Variants in INO80D observed in about 807,000 individuals in gnomAD.
The protein encoded by INO80D is INO80 complex subunit D.
A neutral mutation model predicts 87.6 loss-of-function variants in INO80D; 21 were observed. That is an observed-to-expected ratio of 0.24 (90% CI 0.17 to 0.35). INO80D has a LOEUF of 0.35. INO80D is among the 10% of genes least tolerant of loss of function. INO80D has a pLI of 1.00. For synonymous variants in INO80D, 440 were observed against 491.0 expected (o/e 0.90, Z 1.37); for missense variants, 982 against 1,280.7 (o/e 0.77, Z 3.56).
At chr2:206,015,197 C>T (rs1280595481) in intron 8 of INO80D, among the ~76,000 whole-genome samples, 1 of 152,174 alleles carries the variant, frequency 6.6e-6, no homozygotes, top group African/African-American at 2.4e-5. Flanking sequence ...AAGAAAATCC[C>T]ACTTTCTGAG....
intron 8 of INO80D, among the ~76,000 whole-genome samples, chr2:206,014,817 C>T (rs556628382): frequency 3.9e-4 from 59 of 152,172 alleles, no homozygotes; most frequent in Non-Finnish European, 6.9e-4. Flanking sequence ...CAGAAGAAGA[C>T]AGAAAAATGT....
At chr2:206,036,392 C>T (rs1688894903) in intron 5 of INO80D, among the ~76,000 whole-genome samples, 1 of 152,134 alleles carries the variant, frequency 6.6e-6, no homozygotes, top group South Asian at 2.1e-4. Flanking sequence ...TGATGGAATA[C>T]TACTCAGCCA....
chr2:206,045,455 A>G (rs1294091597), intron 5 of INO80D, among the ~76,000 whole-genome samples: 5 of 152,246 alleles, frequency 3.3e-5, no homozygotes, highest in South Asian at 2.1e-4. Flanking sequence ...TAAGTGAGTC[A>G]TCTTTTGGTA....
At chr2:206,018,094 T>G (rs1358990451) in intron 7 of INO80D, among the ~76,000 whole-genome samples, 1 of 152,190 alleles carries the variant, frequency 6.6e-6, no homozygotes, top group Non-Finnish European at 1.5e-5. Context: ...CAGGGCCATT[T>G]CCTTCTTAAC....
intron 4 of INO80D, among the ~76,000 whole-genome samples, chr2:206,054,579 T>A (rs1312230997): frequency 6.6e-6 from 1 of 151,846 alleles, no homozygotes; most frequent in East Asian, 1.9e-4. Context: ...AGTGGCACAA[T>A]CTCGGCTCAC....
At chr2:206,008,117 G>C (rs1688075747) in intron 9 of INO80D, 1 of 152,038 alleles carries the variant, frequency 6.6e-6, no homozygotes, top group African/African-American at 2.4e-5. Flanking sequence ...GAGTAGCTGG[G>C]ATTACAAGCG....
chr2:206,069,392 T>C (rs181390687), intron 1 of INO80D, among the ~76,000 whole-genome samples: 68 of 152,292 alleles, frequency 4.5e-4, no homozygotes, highest in Non-Finnish European at 9.6e-4. Flanking sequence ...GTTAATCTGT[T>C]CACGTTTTCA....
chr2:206,030,219 T>A (rs1440003346), intron 5 of INO80D, among the ~76,000 whole-genome samples: 1 of 152,188 alleles, frequency 6.6e-6, no homozygotes, highest in Admixed American at 6.5e-5. Context: ...ACATCTGTAA[T>A]CCCTGCAATT....
At position 206,028,335 on chromosome 2, in the gene INO80D, C is replaced by A; in HGVS notation, c.1074G>T (p.Ala358=). 1.3e-6 allele frequency: 2 copies of A among 1,584,974 alleles called. No individual in the cohort carries two copies. The highest frequency in any genetic ancestry group is 1.7e-5 in the Admixed American group (1 of 58,274). ...TACTCTCCGCATCATCATCATCTGACCTGGAAAGTGCAGGGAGAGAAAGGA... is the reference window on the plus strand; with the variant it reads ...TACTCTCCGCATCATCATCATCTGAACTGGAAAGTGCAGGGAGAGAAAGGA... The part of the protein sequence containing the change: ...IRETLRYQRH[A]SDDDDAESRS... Residue 358 remains alanine, a splice_region_variant and synonymous_variant, in exon 6 of 11, where the codon GCG becomes GCT. Coordinates refer to ENST00000403263, the MANE Select transcript of INO80D (RefSeq NM_017759.5).
At chr2:206,008,074 T>G (rs1290223566) in intron 9 of INO80D, 1 of 149,326 alleles carries the variant, frequency 6.7e-6, no homozygotes, top group Non-Finnish European at 1.5e-5. Flanking sequence ...CTCCACCTCC[T>G]GAGTTCAAGA....
intron 1 of INO80D, 194 bp from the exon 2 acceptor site, chr2:206,063,438 C>T (rs116678682): frequency 0.079 from 16,361 of 206,820 alleles, 926 homozygotes; most frequent in Admixed American, 0.19. Context: ...CCGTGGCTCA[C>T]GCCTGTAATC....
chr2:206,073,267 C>T (rs1418612312), intron 1 of INO80D, among the ~76,000 whole-genome samples: 6 of 152,132 alleles, frequency 3.9e-5, no homozygotes, highest in Non-Finnish European at 7.4e-5. Context: ...TTATGACAAA[C>T]GCACTGAGGC....
chr2:206,074,539 G>A (rs771958655), intron 1 of INO80D, among the ~76,000 whole-genome samples: 15 of 148,500 alleles, frequency 1.0e-4, no homozygotes, highest in Non-Finnish European at 1.9e-4. Context: ...GCTTGAACCC[G>A]GGAGGCGGAG....
In INO80D at chr2:206,013,456, A is replaced by G. The variant is rs12477064; in HGVS notation, c.1543-3662T>C. Among the ~76,000 whole-genome samples, 67 of 151,762 alleles carry G rather than the reference A, an allele frequency of 4.4e-4. 1 individual carries two copies. Among genetic ancestry groups the G allele is most frequent in the East Asian group, 4.3e-3 (22 of 5,140 alleles). ...AGTCCCAGTTACTTGGGAGGCTGAG[A>G]CAGAAGAATGGCGTGAACCCGGGAG... On this transcript the variant is annotated intron_variant, in intron 8 of 10. Transcript: ENST00000403263.
chr2:206,075,312 T>C (rs535096182), intron 1 of INO80D, among the ~76,000 whole-genome samples: 3 of 152,350 alleles, frequency 2.0e-5, no homozygotes, highest in African/African-American at 7.2e-5. Context: ...ATGTCACTGC[T>C]GTTCTTTTGA....
intron 5 of INO80D, among the ~76,000 whole-genome samples, chr2:206,037,619 TG>T (rs1423564665): frequency 2.6e-5 from 4 of 152,168 alleles, no homozygotes; most frequent in African/African-American, 9.6e-5. Flanking sequence ...ACACTGTTGG[TG>T]GGAATGTAAT....
At chr2:206,036,810 C>G (rs771478801) in intron 5 of INO80D, among the ~76,000 whole-genome samples, 1 of 152,132 alleles carries the variant, frequency 6.6e-6, no homozygotes, top group Non-Finnish European at 1.5e-5. Context: ...TGCTGAGGCA[C>G]GTTACATGAT....
chr2:206,062,907 A>G lies in INO80D; in HGVS notation c.110T>C (p.Ile37Thr). ...AGTCTTGTCCTCCAGAACGTGTCTG[A>G]TACAGAAGGCGTAGCCGTTGAGTCG... ...QRRLNGYAFCIRHVLEDKTAP... is the reference protein window; with the variant it reads ...QRRLNGYAFCTRHVLEDKTAP... Residue 37 changes from isoleucine to threonine, a missense_variant, in exon 3 of 11, where the codon ATC becomes ACC. Coordinates refer to ENST00000403263, the MANE Select transcript of INO80D (RefSeq NM_017759.5). This position sits in a 1 kb window ranked among gnomAD's most constrained non-coding sequence, Gnocchi z 4.6. 6.2e-7 allele frequency: 1 copy of G among 1,613,362 alleles called. No individual in the cohort carries two copies. Among genetic ancestry groups the G allele is most frequent in the Non-Finnish European group, 8.5e-7 (1 of 1,179,760 alleles).
intron 6 of INO80D, chr2:206,025,540 AAAATATATATAT>A (rs1408653761): frequency 1.1e-4 from 7 of 63,280 alleles, no homozygotes; most frequent in African/African-American, 3.1e-4. Context: ...AAAAAAAAAA[AAAATATATATAT>A]ATATATATAT....
Sources: gnomAD v4.1 joint callset for allele counts (sites outside exome capture counted in the v4.1 genomes callset) on GRCh38, gnomAD v4.1.1 for gene constraint, Gnocchi (gnomAD v3.1) non-coding constraint, MANE v1.5 for transcripts, NCBI Gene and HGNC (gene_info 2026-07-23, HGNC 2026-07-21) for gene names.